CEP89: variants seen among roughly 807,000 people sequenced by gnomAD.
CEP89 encodes centrosomal protein 89.
CEP89 carries 95 observed loss-of-function variants against 97.6 expected under a neutral mutation model. That is an observed-to-expected ratio of 0.97 (90% CI 0.82 to 1.15). The LOEUF (loss-of-function observed/expected upper bound fraction) is 1.15. Among genes scored for constraint, CEP89 ranks in the 50% most tolerant of loss-of-function variants. The pLI, the probability that CEP89 is intolerant of heterozygous loss-of-function variation, is 0.00. For synonymous variants in CEP89, 354 were observed against 349.1 expected (o/e 1.01, Z -0.16); for missense variants, 869 against 947.7 (o/e 0.92, Z 1.09).
chr19:32,889,644 G>A (rs553336260), intron 16 of CEP89, among the ~76,000 whole-genome samples: 242 of 152,248 alleles, frequency 1.6e-3, no homozygotes, highest in Non-Finnish European at 2.6e-3. Flanking sequence ...TCCTGACTTC[G>A]TTGTGGAAGC....
rs773395513 is a variant in CEP89 at position 32,881,971 on chromosome 19, G to A, written c.2008C>T (p.His670Tyr). 1.6e-5 allele frequency: 25 copies of A among 1,588,162 alleles called. No individual in the cohort carries two copies. In the South Asian group the frequency reaches 2.6e-4, roughly 17 times the overall value. ...TCCTCCTGCTGCTCCAGCAGACGGT[G>A]ACTGATGTCCCCCAGCTTCAGTGCT... is the stretch of plus-strand genomic sequence containing the variant. ...QAALKLGDIS[H>Y]RLLEQQEDFA... Residue 670 changes from histidine to tyrosine, a missense_variant, in exon 18 of 19, where the codon CAC becomes TAC. Coordinates refer to ENST00000305768, the MANE Select transcript of CEP89 (RefSeq NM_032816.5).
intron 4 of CEP89, 136 bp downstream of exon 4, chr19:32,953,478 AC>A: frequency 1.6e-6 from 1 of 633,662 alleles, no homozygotes. Context: ...GAGGCTGGAC[AC>A]GTTTAAAAAA....
intron 16 of CEP89, among the ~76,000 whole-genome samples, chr19:32,890,422 C>A (rs79366896): frequency 0.078 from 11,526 of 148,152 alleles, 1,356 homozygotes; most frequent in African/African-American, 0.25. Context: ...AACAAACAAA[C>A]AAAAACCTGT....
chr19:32,966,189 C>T (rs1971279048), intron 2 of CEP89, 171 bp downstream of exon 2: 3 of 409,926 alleles, frequency 7.3e-6, no homozygotes, highest in Non-Finnish European at 8.7e-6. Flanking sequence ...GTCCATTATC[C>T]TCAGAGACAC....
At chr19:32,960,243 C>T (rs548632083) in intron 2 of CEP89, among the ~76,000 whole-genome samples, 185 bp from the exon 3 acceptor site, 1 of 152,300 alleles carries the variant, frequency 6.6e-6, no homozygotes, top group East Asian at 1.9e-4. Context: ...AACTGTATGA[C>T]TACATATTAT....
At chr19:32,965,178 C>A (rs1971254708) in intron 2 of CEP89, among the ~76,000 whole-genome samples, 2 of 152,140 alleles carry the variant, frequency 1.3e-5, no homozygotes, top group South Asian at 4.1e-4. Context: ...CTCCCAGGAT[C>A]AGTTTACCCT....
chr19:32,936,233 C>A lies in CEP89; in HGVS notation c.667+1398G>T, dbSNP rs900930511. The stretch of plus-strand genomic sequence containing the variant: ...AAGCCTGGGCACTGTCACAGCCTGG[C>A]TGGGAGTGTGCATACTCAGGGCAGT... On this transcript the variant is annotated intron_variant, in intron 7 of 18. Transcript: ENST00000305768. This position sits in a 1 kb window ranked among gnomAD's most constrained non-coding sequence, Gnocchi z 4.5. Among the ~76,000 whole-genome samples the A allele has an allele frequency of 5.9e-5, 9 of 152,182 alleles. No individual in the cohort carries two copies. Among genetic ancestry groups the A allele is most frequent in the African/African-American group, 2.2e-4 (9 of 41,442 alleles).
Position 32,936,292 on chromosome 19 carries a change from C to G in CEP89, c.667+1339G>C, listed in dbSNP as rs959345344. Among the ~76,000 whole-genome samples the G allele has an allele frequency of 1.3e-5, 2 of 152,198 alleles. No individual in the cohort carries two copies. The highest frequency in any genetic ancestry group is 2.9e-5 in the Non-Finnish European group (2 of 68,028). ...GACAGCGCCCTGCCGCCTCAGCCCC[C>G]TCCAGACTTTGGGCACCCATGAGCA... is the stretch of plus-strand genomic sequence containing the variant. On this transcript the variant is annotated intron_variant, in intron 7 of 18. Coordinates refer to ENST00000305768, the MANE Select transcript of CEP89 (RefSeq NM_032816.5). This position sits in a 1 kb window ranked among gnomAD's most constrained non-coding sequence, Gnocchi z 4.5.
intron 17 of CEP89, among the ~76,000 whole-genome samples, chr19:32,883,152 G>A (rs928905401): frequency 4.6e-5 from 7 of 151,070 alleles, no homozygotes; most frequent in Admixed American, 2.6e-4. Flanking sequence ...GTGAGACACC[G>A]CGCCCGGCCG....
chr19:32,922,805 A>G (rs1483708068), intron 12 of CEP89, among the ~76,000 whole-genome samples: 1 of 151,184 alleles, frequency 6.6e-6, no homozygotes, highest in African/African-American at 2.4e-5. Flanking sequence ...CCGAGATCAC[A>G]CCGTTGCACT....
chr19:32,959,776 CCCACGCACCCA>C (rs1971125248), intron 3 of CEP89, 113 bp downstream of exon 3: 7 of 1,009,038 alleles, frequency 6.9e-6, no homozygotes, highest in Admixed American at 5.2e-5. Flanking sequence ...TGCATGAGCA[CCCACGCACCCA>C]CACAGGTACA....
intron 12 of CEP89, among the ~76,000 whole-genome samples, chr19:32,921,113 T>A (rs927051302): frequency 1.3e-5 from 2 of 150,824 alleles, no homozygotes; most frequent in Non-Finnish European, 3.0e-5. Context: ...TCCCAGCTAC[T>A]CAGGAGGCTG....
intron 5 of CEP89, among the ~76,000 whole-genome samples, chr19:32,945,895 C>A (rs185376276): frequency 7.9e-5 from 12 of 152,284 alleles, no homozygotes; most frequent in Admixed American, 6.5e-4. Context: ...ATTAGGGCAG[C>A]CCCTCAGCAA....
intron 12 of CEP89, among the ~76,000 whole-genome samples, chr19:32,922,574 G>A (rs186740989): frequency 2.6e-5 from 4 of 152,036 alleles, no homozygotes; most frequent in Admixed American, 1.3e-4. Flanking sequence ...GACGCCAGGC[G>A]CAGTGGCTCA....
At chr19:32,962,000 CTAAT>C (rs1342788441) in intron 2 of CEP89, among the ~76,000 whole-genome samples, 2 of 150,348 alleles carry the variant, frequency 1.3e-5, no homozygotes, top group African/African-American at 2.5e-5. Flanking sequence ...CAATAAATAA[CTAAT>C]AGCCTTACCA....
rs745852562 is a variant in CEP89, at chr19:32,966,336, A to C, written c.146+24T>G. The C allele has an allele frequency of 1.5e-5, 20 of 1,374,718 alleles. No individual in the cohort carries two copies. In the South Asian group the frequency reaches 2.7e-4, roughly 18 times the overall value. The allele number at this position is 1,374,718 out of a possible 1,614,324, so 85.2% of individuals were successfully genotyped here. A position where few individuals can be genotyped will look rare whatever the true frequency, so the allele number is the denominator to read the frequency against. On this transcript the variant is annotated intron_variant, in intron 2 of 18. Coordinates refer to ENST00000305768, the MANE Select transcript of CEP89 (RefSeq NM_032816.5). ...GGAGGCTGAGCACAGGGGTGACCTC[A>C]GTGCCTGCTCATCTGATACTCACCT... is the stretch of plus-strand genomic sequence containing the variant.
At chr19:32,893,091 G>A (rs1354659523) in intron 16 of CEP89, among the ~76,000 whole-genome samples, 3 of 149,492 alleles carry the variant, frequency 2.0e-5, no homozygotes, top group Admixed American at 6.7e-5. Flanking sequence ...GATACAGACT[G>A]GCTGAATGGA....
intron 12 of CEP89, among the ~76,000 whole-genome samples, chr19:32,923,047 G>A (rs1028679372): frequency 2.6e-5 from 4 of 152,122 alleles, no homozygotes; most frequent in Admixed American, 6.6e-5. Flanking sequence ...GAAGCTGGTC[G>A]TGCAAGCCTC....
Position 32,947,272 on chromosome 19 carries a change from ATATATGTCCACG to A in CEP89, c.595+982_595+993del, listed in dbSNP as rs1970815891. Among the ~76,000 whole-genome samples the A allele has an allele frequency of 3.3e-5, 5 of 152,230 alleles. No individual in the cohort carries two copies. In the South Asian group the frequency reaches 1.0e-3, roughly 32 times the overall value. On this transcript the variant is annotated intron_variant, in intron 5 of 18. Coordinates refer to ENST00000305768, the MANE Select transcript of CEP89 (RefSeq NM_032816.5). ...TTCTCTCATTGGGATAATCAAATAGATATATGTCCACGTACTCATTCACCCAACAGATCTTTC... is the reference window on the plus strand; with the variant it reads ...TTCTCTCATTGGGATAATCAAATAGATACTCATTCACCCAACAGATCTTTC...
Sources: allele counts gnomAD v4.1 joint callset (sites outside exome capture counted in the v4.1 genomes callset), GRCh38; gene constraint gnomAD v4.1.1; non-coding constraint Gnocchi (gnomAD v3.1); transcripts MANE v1.5; gene names NCBI Gene and HGNC (gene_info 2026-07-23, HGNC 2026-07-21).